Variants in DLG1 observed in about 807,000 individuals in gnomAD.
The protein encoded by DLG1 is disks large homolog 1.
DLG1 carries 42 observed loss-of-function variants against 123.4 expected under a neutral mutation model. The observed-to-expected ratio is 0.34, with a 90% CI of 0.27 to 0.44. The LOEUF (loss-of-function observed/expected upper bound fraction) is 0.44, where lower values mean the gene tolerates loss of function less well. Among genes scored for constraint, DLG1 ranks in the 20% least tolerant of loss-of-function variants. DLG1 has a pLI of 1.00. For synonymous variants in DLG1, 317 were observed against 356.2 expected, an observed-to-expected ratio of 0.89 and a Z score of 1.24; for missense variants, 942 against 1,082.6, an observed-to-expected ratio of 0.87 and a Z score of 1.82.
At chr3:197,241,388 A>G (rs186056784) in intron 4 of DLG1, among the ~76,000 whole-genome samples, 1 of 152,314 alleles carries the variant, frequency 6.6e-6, no homozygotes, top group East Asian at 1.9e-4. Context: ...GACTCATATT[A>G]CAAAAAAAAT....
intron 4 of DLG1, among the ~76,000 whole-genome samples, chr3:197,219,974 T>C (rs1355070352): frequency 1.3e-5 from 2 of 152,334 alleles, no homozygotes; most frequent in East Asian, 3.9e-4. Context: ...AGCCAACTAA[T>C]ACAGAGCTTT....
intron 4 of DLG1, among the ~76,000 whole-genome samples, chr3:197,223,947 G>A (rs1210728623): frequency 6.6e-6 from 1 of 152,082 alleles, no homozygotes; most frequent in African/African-American, 2.4e-5. Context: ...TCTCTTGTCA[G>A]TACTACCTGC....
intron 5 of DLG1, among the ~76,000 whole-genome samples, chr3:197,163,314 A>G (rs1799585477): frequency 6.6e-6 from 1 of 152,210 alleles, no homozygotes; most frequent in South Asian, 2.1e-4. Context: ...TTAAAAACCA[A>G]CCATAGAATC....
At chr3:197,178,094 T>TA (rs1191232532) in intron 5 of DLG1, among the ~76,000 whole-genome samples, 1 of 152,012 alleles carries the variant, frequency 6.6e-6, no homozygotes, top group South Asian at 2.1e-4. Flanking sequence ...GACAGTCAAG[T>TA]AAAAAGACAG....
At chr3:197,098,731 CA>C (rs1176394797) in intron 14 of DLG1, among the ~76,000 whole-genome samples, 1 of 152,114 alleles carries the variant, frequency 6.6e-6, no homozygotes, top group Non-Finnish European at 1.5e-5. Flanking sequence ...AGAGTTTCAT[CA>C]AGTTGGCCAG....
At chr3:197,220,912 A>C (rs1007758388) in intron 4 of DLG1, among the ~76,000 whole-genome samples, 2 of 152,246 alleles carry the variant, frequency 1.3e-5, no homozygotes, top group African/African-American at 2.4e-5. Flanking sequence ...TGCTTTTAAT[A>C]TCAAAAGGCA....
At chr3:197,085,430 A>T (rs1753740840) in intron 16 of DLG1, 150 bp downstream of exon 16, 1 of 736,132 alleles carries the variant, frequency 1.4e-6, no homozygotes, top group Non-Finnish European at 2.3e-6. Context: ...TAAAAATGTG[A>T]TCATACGATT....
intron 4 of DLG1, among the ~76,000 whole-genome samples, chr3:197,270,644 A>T (rs1051648844): frequency 6.6e-6 from 1 of 152,220 alleles, no homozygotes; most frequent in Non-Finnish European, 1.5e-5. Flanking sequence ...GACTCACTAC[A>T]AGGTGCCAAA....
intron 5 of DLG1, among the ~76,000 whole-genome samples, chr3:197,172,156 A>G (rs1354212020): frequency 6.6e-6 from 1 of 152,082 alleles, no homozygotes; most frequent in African/African-American, 2.4e-5. Flanking sequence ...GAGCTGAAAA[A>G]TTTCTACTGC....
chr3:197,099,539 G>A (rs1194188216), intron 14 of DLG1, among the ~76,000 whole-genome samples: 1 of 152,134 alleles, frequency 6.6e-6, no homozygotes, highest in African/African-American at 2.4e-5. Flanking sequence ...GGACGTATCT[G>A]AACTGCTGGC....
chr3:197,214,245 TAAAC>T (rs1381198691), intron 4 of DLG1, among the ~76,000 whole-genome samples: 1 of 152,118 alleles, frequency 6.6e-6, no homozygotes, highest in Non-Finnish European at 1.5e-5. Flanking sequence ...CCCAAACACT[TAAAC>T]AAAATATGAA....
intron 7 of DLG1, among the ~76,000 whole-genome samples, chr3:197,141,353 C>T (rs1450658126): frequency 1.3e-5 from 2 of 151,800 alleles, no homozygotes; most frequent in Admixed American, 1.3e-4. Flanking sequence ...TTTAAAAGGC[C>T]CTGGGAAAAG....
chr3:197,147,994 G>A (rs779995377), intron 6 of DLG1, among the ~76,000 whole-genome samples: 7 of 151,464 alleles, frequency 4.6e-5, no homozygotes, highest in Non-Finnish European at 8.8e-5. Flanking sequence ...AATGAGTTCA[G>A]CAAGGTTGTA....
At chr3:197,236,847 T>C (rs1200179353) in intron 4 of DLG1, among the ~76,000 whole-genome samples, 2 of 152,264 alleles carry the variant, frequency 1.3e-5, no homozygotes, top group African/African-American at 2.4e-5. Context: ...AGAATATTCA[T>C]CTTTCAAAAT....
intron 4 of DLG1, among the ~76,000 whole-genome samples, chr3:197,254,498 G>C (rs980348060): frequency 6.6e-6 from 1 of 152,100 alleles, no homozygotes; most frequent in Non-Finnish European, 1.5e-5. Context: ...ACGTTATTTA[G>C]AGCACAATAA....
chr3:197,170,463 A>C (rs1009665431), intron 5 of DLG1, among the ~76,000 whole-genome samples: 8 of 152,086 alleles, frequency 5.3e-5, no homozygotes, highest in Non-Finnish European at 7.4e-5. Flanking sequence ...GAATGGTGTG[A>C]GATGGTATCT....
intron 11 of DLG1, among the ~76,000 whole-genome samples, chr3:197,128,736 T>G (rs1781029467): frequency 6.6e-6 from 1 of 152,178 alleles, no homozygotes; most frequent in South Asian, 2.1e-4. Flanking sequence ...GGATGACAAG[T>G]TAGTAAGCAT....
intron 13 of DLG1, among the ~76,000 whole-genome samples, chr3:197,107,584 G>C (rs1767281933): frequency 6.6e-6 from 1 of 151,522 alleles, no homozygotes; most frequent in African/African-American, 2.4e-5. Context: ...AAAAAAAAAG[G>C]ATATACCACT....
At chr3:197,059,321 C>A (rs1304228927) in intron 23 of DLG1, among the ~76,000 whole-genome samples, 1 of 152,114 alleles carries the variant, frequency 6.6e-6, no homozygotes, top group African/African-American at 2.4e-5. Flanking sequence ...TATATCTTTT[C>A]CTATTCTCTT....
Sources: gnomAD v4.1 joint callset for allele counts (sites outside exome capture counted in the v4.1 genomes callset) on GRCh38, gnomAD v4.1.1 for gene constraint, MANE v1.5 for transcripts, NCBI Gene and HGNC (gene_info 2026-07-23, HGNC 2026-07-21) for gene names.